DPP6: variants seen among roughly 807,000 people sequenced by gnomAD.
DPP6 encodes the protein A-type potassium channel modulatory protein DPP6.
Under a neutral mutation model 122.6 loss-of-function variants are expected in DPP6, and 69 were observed. That is an observed-to-expected ratio of 0.56 (90% CI 0.46 to 0.69). The LOEUF (loss-of-function observed/expected upper bound fraction) is 0.69. Ranked by LOEUF, DPP6 falls within the 30% of genes least tolerant of loss-of-function variation. DPP6 has a pLI of 0.00. For synonymous variants in DPP6, 418 were observed against 433.1 expected (o/e 0.97, Z 0.43); for missense variants, 928 against 1,116.9 (o/e 0.83, Z 2.41).
intron 1 of DPP6, among the ~76,000 whole-genome samples, chr7:154,146,766 A>T (rs1308799849): frequency 6.6e-6 from 1 of 152,230 alleles, no homozygotes; most frequent in Non-Finnish European, 1.5e-5. Context: ...GACCTAACAC[A>T]CTATAAAATA....
At chr7:154,516,069 T>G (rs533547946) in intron 3 of DPP6, among the ~76,000 whole-genome samples, 1 of 152,162 alleles carries the variant, frequency 6.6e-6, no homozygotes, top group Non-Finnish European at 1.5e-5. Context: ...AAATAATCAC[T>G]CTTCCTCAGG....
At chr7:154,032,217 G>C (rs2129055327) in intron 1 of DPP6, among the ~76,000 whole-genome samples, 1 of 152,140 alleles carries the variant, frequency 6.6e-6, no homozygotes, top group East Asian at 1.9e-4. Context: ...TATCTGATTT[G>C]ACAGGCAAGT....
intron 2 of DPP6, among the ~76,000 whole-genome samples, chr7:154,451,836 G>T (rs1184930677): frequency 6.6e-6 from 1 of 152,242 alleles, no homozygotes; most frequent in African/African-American, 2.4e-5. Context: ...CATGGGTGCT[G>T]TTTGTTTCTC....
At chr7:154,082,846 CTTTTTT>C (rs1174987723) in intron 1 of DPP6, among the ~76,000 whole-genome samples, 6 of 106,276 alleles carry the variant, frequency 5.6e-5, no homozygotes, top group Non-Finnish European at 9.3e-5. Flanking sequence ...TTTTCTTTTT[CTTTTTT>C]TTTTTTTTTT....
chr7:154,312,899 G>A (rs1027415074), intron 1 of DPP6, among the ~76,000 whole-genome samples: 2 of 151,994 alleles, frequency 1.3e-5, no homozygotes, highest in Non-Finnish European at 2.9e-5. Flanking sequence ...TGACAGAGGT[G>A]GTCTTGAATA....
chr7:154,892,313 T>C (rs755552463), intron 25 of DPP6, 21 bp from the exon 26 acceptor site: 2 of 1,613,970 alleles, frequency 1.2e-6, no homozygotes, highest in Non-Finnish European at 1.7e-6. Flanking sequence ...GGAGAGTAAT[T>C]TCTCCGTGCC....
At chr7:154,085,001 A>AAC (rs1554457726) in intron 1 of DPP6, among the ~76,000 whole-genome samples, 2 of 151,600 alleles carry the variant, frequency 1.3e-5, no homozygotes, top group South Asian at 2.1e-4. Context: ...AAAAAAAAAA[A>AAC]AAAAAAAAAA....
In DPP6 at chr7:154,063,113, G is replaced by A. The variant is rs1401405941; in HGVS notation, c.243+10050G>A. ...GCCCCTGGCTGTTAGTACCCCCATC[G>A]CAGGGGGGGAGGCACCCCCCACGAG... On this transcript the variant is annotated intron_variant, in intron 1 of 25. Transcript: ENST00000377770. Among the ~76,000 whole-genome samples, 22 of 120,692 alleles carry A rather than the reference G, an allele frequency of 1.8e-4. 3 individuals carry two copies. The highest frequency in any genetic ancestry group is 3.1e-4 in the Non-Finnish European group (17 of 55,474). The allele number at this position is 120,692 out of a possible 152,430, so 79.2% of individuals were successfully genotyped here.
chr7:154,704,750 AC>A (rs1247488572), intron 7 of DPP6, among the ~76,000 whole-genome samples: 1 of 152,254 alleles, frequency 6.6e-6, no homozygotes, highest in Non-Finnish European at 1.5e-5. Context: ...TTGCACAGTT[AC>A]TAATCTACAG....
At chr7:154,299,009 T>C (rs1427769803) in intron 1 of DPP6, among the ~76,000 whole-genome samples, 1 of 152,218 alleles carries the variant, frequency 6.6e-6, no homozygotes, top group African/African-American at 2.4e-5. Flanking sequence ...TCCCCAGGGT[T>C]AGATTACTGG....
At chr7:153,923,969 A>G (rs1329252854) in intron 1 of DPP6, among the ~76,000 whole-genome samples, 4 of 152,088 alleles carry the variant, frequency 2.6e-5, no homozygotes, top group African/African-American at 9.7e-5. Context: ...ATCACCAGGC[A>G]CACAAGACTC....
At position 153,889,167 on chromosome 7, in the gene DPP6, G is replaced by C. The variant is rs774702298; in HGVS notation, c.51+1433G>C. The stretch of plus-strand genomic sequence containing the variant: ...TCAGGACCCTCCCCACTCCCGAGAC[G>C]ACAAGCCCCCATCTAGGGGCGGTTC... On this transcript the variant is annotated intron_variant, in intron 1 of 25. Coordinates refer to the DPP6 transcript ENST00000404039. Among the ~76,000 whole-genome samples, 5 of 152,256 alleles carry C rather than the reference G, an allele frequency of 3.3e-5. 1 individual carries two copies. Among genetic ancestry groups the C allele is most frequent in the African/African-American group, 1.2e-4 (5 of 41,564 alleles).
Position 154,137,431 on chromosome 7 carries a change from T to A in DPP6, c.243+84368T>A, listed in dbSNP as rs376499251. On this transcript the variant is annotated intron_variant, in intron 1 of 25. Coordinates refer to ENST00000377770, the MANE Select transcript of DPP6 (RefSeq NM_130797.4). ...GCAGAATCACAGACATGTGCAATCT[T>A]CCAGTAAATGTCTTCCCCCCATACA... 4.0e-5 allele frequency among the ~76,000 whole-genome samples: 6 copies of A among 151,894 alleles called. No individual in the cohort carries two copies. The East Asian group carries it at 9.7e-4, about 25-fold the overall frequency.
intron 1 of DPP6, among the ~76,000 whole-genome samples, chr7:154,281,916 G>A (rs150982391): frequency 6.5e-4 from 99 of 152,292 alleles, no homozygotes; most frequent in African/African-American, 2.3e-3. Flanking sequence ...TCTCCCAGAT[G>A]CTCAGCATCC....
intron 1 of DPP6, among the ~76,000 whole-genome samples, chr7:154,285,464 C>T (rs1430276393): frequency 5.9e-5 from 9 of 152,166 alleles, no homozygotes; most frequent in East Asian, 1.9e-4. Flanking sequence ...GGGGTTTCAC[C>T]GTGTTGGCCA....
intron 1 of DPP6, among the ~76,000 whole-genome samples, chr7:154,055,068 CTTAGATG>C: frequency 6.8e-6 from 1 of 146,078 alleles, no homozygotes; most frequent in African/African-American, 2.5e-5. Flanking sequence ...GCATCTCTAA[CTTAGATG>C]TAAGTCCTGA....
At chr7:154,813,259 AT>A (rs1353865783) in intron 16 of DPP6, among the ~76,000 whole-genome samples, 5 of 151,150 alleles carry the variant, frequency 3.3e-5, no homozygotes, top group Non-Finnish European at 5.9e-5. Flanking sequence ...TTTTTTTTGT[AT>A]TTTTATTAGA....
At chr7:154,820,407 A>G (rs1192390054) in intron 16 of DPP6, among the ~76,000 whole-genome samples, 2 of 152,244 alleles carry the variant, frequency 1.3e-5, no homozygotes, top group Non-Finnish European at 2.9e-5. Context: ...CAAGACTTAC[A>G]ATATTTACAA....
At chr7:154,580,325 A>C (rs1831978592) in intron 5 of DPP6, among the ~76,000 whole-genome samples, 1 of 151,934 alleles carries the variant, frequency 6.6e-6, no homozygotes, top group South Asian at 2.1e-4. Context: ...ACCATTGACA[A>C]ATTTTTCTCT....
Sources: gnomAD v4.1 joint callset for allele counts (sites outside exome capture counted in the v4.1 genomes callset) on GRCh38, gnomAD v4.1.1 for gene constraint, MANE v1.5 for transcripts, NCBI Gene and HGNC (gene_info 2026-07-23, HGNC 2026-07-21) for gene names.